The following PRKAR1A variants were observed in gnomAD, a reference collection of about 807,000 sequenced individuals.
PRKAR1A encodes the protein protein kinase cAMP-dependent type I regulatory subunit alpha.
PRKAR1A carries 3 observed loss-of-function variants against 52.0 expected under a neutral mutation model. The ratio of observed to expected loss-of-function variants is 0.06; its 90% CI spans 0.03 to 0.15. The LOEUF is 0.15. PRKAR1A is among the 10% of genes least tolerant of loss of function. The pLI, the probability that PRKAR1A is intolerant of heterozygous loss-of-function variation, is 1.00. For synonymous variants in PRKAR1A, 188 were observed against 168.4 expected (o/e 1.12, Z -0.90); for missense variants, 240 against 477.4 (o/e 0.50, Z 4.63).
the PRKAR1A span, chr17:68,421,374 C>A: frequency 5.9e-6 from 1 of 170,362 alleles, no homozygotes; most frequent in African/African-American, 2.4e-5. Context: ...CTTTGCCTGG[C>A]TAAAAGAGTC....
Position 68,522,650 on chromosome 17 carries a change from T to C in PRKAR1A, c.178-106T>C, listed in dbSNP as rs895343277. ...TTTTCCTCTTAACTTACATTGTTAATGGAAGAAGAGATTGGAAGTGACTGA... is the reference window on the plus strand; with the variant it reads ...TTTTCCTCTTAACTTACATTGTTAACGGAAGAAGAGATTGGAAGTGACTGA... On this transcript the variant is annotated intron_variant, in intron 2 of 10. Transcript: ENST00000589228. 25 of 1,258,408 alleles carry C rather than the reference T, an allele frequency of 2.0e-5. 1 individual carries two copies. In the Admixed American group the frequency reaches 2.3e-4, roughly 12 times the overall value. The allele number at this position is 1,258,408 out of a possible 1,614,324, so 78.0% of individuals were successfully genotyped here. A position where few individuals can be genotyped will look rare whatever the true frequency, so the allele number is the denominator to read the frequency against.
chr17:68,456,941 T>C, the PRKAR1A span, among the ~76,000 whole-genome samples: 1 of 152,170 alleles, frequency 6.6e-6, no homozygotes, highest in Non-Finnish European at 1.5e-5. Context: ...TACAGAGTCC[T>C]GGGTCAACTT....
chr17:68,503,227 T>G, the PRKAR1A span, among the ~76,000 whole-genome samples: 22 of 152,246 alleles, frequency 1.4e-4, no homozygotes, highest in Non-Finnish European at 2.8e-4. Flanking sequence ...GGCAAGGATG[T>G]AGAGCAACAG....
the PRKAR1A span, among the ~76,000 whole-genome samples, chr17:68,487,028 C>T: frequency 1.3e-5 from 2 of 152,140 alleles, no homozygotes; most frequent in African/African-American, 2.4e-5. Flanking sequence ...TTTCTGCCAC[C>T]GCACCCGGCT....
At chr17:68,535,208 C>T (rs1222089706), downstream of PRKAR1A, 1 of 447,726 alleles carries the variant, frequency 2.2e-6, no homozygotes, top group Non-Finnish European at 4.5e-6. Context: ...GGTTGGTTTT[C>T]TGATATTTTT....
downstream of PRKAR1A, chr17:68,537,886 G>A: frequency 2.1e-6 from 2 of 963,312 alleles, no homozygotes; most frequent in Non-Finnish European, 3.2e-6. The surrounding 1 kb of genome is among the most constrained non-coding windows in gnomAD (Gnocchi z 4.2). Flanking sequence ...ATGGAAACCA[G>A]GTAAAAAGGG....
the PRKAR1A span, among the ~76,000 whole-genome samples, chr17:68,437,005 A>AATATAT: frequency 1.9e-5 from 2 of 107,192 alleles, no homozygotes; most frequent in African/African-American, 7.1e-5. Context: ...AAAAAAAAAA[A>AATATAT]ATATATATAT....
At chr17:68,445,723 G>C in the PRKAR1A span, among the ~76,000 whole-genome samples, 1 of 152,220 alleles carries the variant, frequency 6.6e-6, no homozygotes, top group South Asian at 2.1e-4. Flanking sequence ...ATAACGCATA[G>C]CCCAGTACAA....
chr17:68,469,613 T>C, the PRKAR1A span, among the ~76,000 whole-genome samples: 1 of 152,044 alleles, frequency 6.6e-6, no homozygotes, highest in South Asian at 2.1e-4. Context: ...CTTTTTTTTT[T>C]TCCCTCTCTT....
intron 1 of PRKAR1A, 67 bp from the exon 2 acceptor site, chr17:68,515,327 A>G: frequency 6.4e-7 from 1 of 1,571,774 alleles, no homozygotes; most frequent in Non-Finnish European, 8.7e-7. Flanking sequence ...GAATTTAGCA[A>G]GTTAAATGCC....
the PRKAR1A span, among the ~76,000 whole-genome samples, chr17:68,491,626 C>A: frequency 5.9e-5 from 9 of 152,050 alleles, no homozygotes; most frequent in African/African-American, 2.2e-4. Flanking sequence ...TTGTGGAAAG[C>A]CTTCATATGC....
the PRKAR1A span, among the ~76,000 whole-genome samples, chr17:68,478,705 T>G: frequency 1.3e-5 from 2 of 150,462 alleles, no homozygotes; most frequent in Non-Finnish European, 2.9e-5. Flanking sequence ...AACCCTATGG[T>G]TTTAGTATGT....
At position 68,512,497 on chromosome 17, in the gene PRKAR1A, T is replaced by G. The variant is rs1343403094; in HGVS notation, c.-58T>G. 1 of 154,112 alleles carries G rather than the reference T, an allele frequency of 6.5e-6. No homozygotes were observed. The highest frequency in any genetic ancestry group is 1.4e-5 in the Non-Finnish European group (1 of 69,048). 9.5% of individuals were successfully genotyped at this position (154,112 alleles called of 1,614,324 possible). A position where few individuals can be genotyped will look rare whatever the true frequency, so the allele number is the denominator to read the frequency against. Reference sequence around the variant, plus strand: ...GGAGCAAAGCGCTGAGGGAGCTCGGTACGCCGCCGCCTCGCACCCGCAGCC... The same window carrying G: ...GGAGCAAAGCGCTGAGGGAGCTCGGGACGCCGCCGCCTCGCACCCGCAGCC... On this transcript the variant is annotated 5_prime_UTR_variant, in exon 1 of 11. Transcript: ENST00000589228.
downstream of PRKAR1A, chr17:68,536,847 T>C (rs2086110428): frequency 2.2e-6 from 1 of 454,060 alleles, no homozygotes; most frequent in African/African-American, 2.0e-5. Context: ...TTTTCTGATA[T>C]TCTTAGCAAA....
chr17:68,548,659 G>A (rs2086679996), intron 11 of PRKAR1A, among the ~76,000 whole-genome samples: 1 of 149,842 alleles, frequency 6.7e-6, no homozygotes. Flanking sequence ...CCTTCACTTT[G>A]TAAAAAACCT....
chr17:68,430,241 T>A, the PRKAR1A span: 1 of 1,399,544 alleles, frequency 7.1e-7, no homozygotes, highest in Middle Eastern at 2.6e-4. Flanking sequence ...CCAAGCGTCA[T>A]TAGCCACACT....
the PRKAR1A span, among the ~76,000 whole-genome samples, chr17:68,493,447 G>A: frequency 6.6e-6 from 1 of 152,158 alleles, no homozygotes; most frequent in Non-Finnish European, 1.5e-5. Context: ...AGAAGCTCAT[G>A]GAATAGCTGA....
the PRKAR1A span, among the ~76,000 whole-genome samples, chr17:68,458,086 A>T: frequency 5.3e-5 from 8 of 152,142 alleles, no homozygotes; most frequent in African/African-American, 1.9e-4. Flanking sequence ...CCTTTTGTCG[A>T]GTCCTCAAGC....
At chr17:68,482,695 G>A in the PRKAR1A span, among the ~76,000 whole-genome samples, 1 of 152,170 alleles carries the variant, frequency 6.6e-6, no homozygotes, top group Non-Finnish European at 1.5e-5. Context: ...AAAAGAATGG[G>A]CAGAAAAGGA....
Sources: allele counts gnomAD v4.1 joint callset (sites outside exome capture counted in the v4.1 genomes callset), GRCh38; gene constraint gnomAD v4.1.1; non-coding constraint Gnocchi (gnomAD v3.1); transcripts MANE v1.5; gene names NCBI Gene and HGNC (gene_info 2026-07-23, HGNC 2026-07-21).